The following LDLRAD4 variants were observed in gnomAD, a reference collection of about 807,000 sequenced individuals.
The protein encoded by LDLRAD4 is low-density lipoprotein receptor class A domain-containing protein 4.
Under a neutral mutation model 17.0 loss-of-function variants are expected in LDLRAD4, and 5 were observed. That is an observed-to-expected ratio of 0.29 (90% CI 0.15 to 0.62). The LOEUF (loss-of-function observed/expected upper bound fraction) is 0.62, where lower values mean the gene tolerates loss of function less well. Among genes scored for constraint, LDLRAD4 ranks in the 20% least tolerant of loss-of-function variants. LDLRAD4 has a pLI of 0.84. For synonymous variants in LDLRAD4, 168 were observed against 171.8 expected (o/e 0.98, Z 0.17); for missense variants, 340 against 424.7 (o/e 0.80, Z 1.75).
intron 1 of LDLRAD4, among the ~76,000 whole-genome samples, chr18:13,382,048 C>T (rs1050709784): frequency 2.6e-5 from 4 of 152,298 alleles, no homozygotes; most frequent in South Asian, 2.1e-4. Flanking sequence ...CTGGAGCAGT[C>T]GCCATGGCTG....
chr18:13,305,915 AGC>A (rs2046886299), intron 1 of LDLRAD4, among the ~76,000 whole-genome samples: 1 of 152,240 alleles, frequency 6.6e-6, no homozygotes, highest in African/African-American at 2.4e-5. Flanking sequence ...TTTGAGAAAA[AGC>A]AAAGTCGTTA....
At chr18:13,420,252 AACAAAT>A (rs2089317889) in intron 2 of LDLRAD4, 1 of 151,886 alleles carries the variant, frequency 6.6e-6, no homozygotes, top group African/African-American at 2.4e-5. Context: ...ACAAATAATC[AACAAAT>A]ACAAATAGTG....
At chr18:13,434,376 G>A (rs1182843965) in intron 2 of LDLRAD4, among the ~76,000 whole-genome samples, 1 of 151,716 alleles carries the variant, frequency 6.6e-6, no homozygotes, top group African/African-American at 2.4e-5. Flanking sequence ...GTTATAATAC[G>A]TCTATAGCTC....
chr18:13,645,508 G>A lies in LDLRAD4; in HGVS notation c.772G>A (p.Val258Met). ...GGGGCCACCCCCCACATACAGCGAG[G>A]TGATGGGCCACCACCCAGGCGCCTC... The change falls in exon 6 of 6, where the codon GTG (valine) becomes ATG (methionine). Residue 258 changes from valine to methionine, a missense_variant. Transcript: ENST00000359446. This position sits in a 1 kb window ranked among gnomAD's most constrained non-coding sequence, Gnocchi z 5.7. 6.2e-7 allele frequency: 1 copy of A among 1,610,858 alleles called. No individual in the cohort carries two copies. Among genetic ancestry groups the A allele is most frequent in the Non-Finnish European group, 8.5e-7 (1 of 1,178,410 alleles).
chr18:13,592,653 C>G (rs950776091), intron 3 of LDLRAD4, among the ~76,000 whole-genome samples: 1 of 152,188 alleles, frequency 6.6e-6, no homozygotes, highest in African/African-American at 2.4e-5. Flanking sequence ...ACAAACCTTT[C>G]ACAATAAAAG....
chr18:13,650,553 CCTG>C (rs1482753105), exon 6 of LDLRAD4: 4 of 395,526 alleles, frequency 1.0e-5, no homozygotes, highest in African/African-American at 6.2e-5. Flanking sequence ...GCCGCCCCCT[CCTG>C]CACTTGATGC....
intron 3 of LDLRAD4, among the ~76,000 whole-genome samples, chr18:13,583,176 A>G (rs1335756885): frequency 6.6e-6 from 1 of 152,216 alleles, no homozygotes; most frequent in Non-Finnish European, 1.5e-5. Flanking sequence ...TGCTATCCAA[A>G]AAATTAGAAG....
chr18:13,362,975 C>T (rs547980857), intron 1 of LDLRAD4, among the ~76,000 whole-genome samples: 4 of 152,016 alleles, frequency 2.6e-5, no homozygotes, highest in Non-Finnish European at 5.9e-5. Flanking sequence ...TGTGCTCTGT[C>T]GTTAGTTATC....
At chr18:13,456,652 T>G (rs1419344754) in intron 3 of LDLRAD4, among the ~76,000 whole-genome samples, 2 of 152,262 alleles carry the variant, frequency 1.3e-5, no homozygotes, top group Admixed American at 6.5e-5. Flanking sequence ...TCCATGTGCA[T>G]GCACATATAC....
At chr18:13,271,652 G>T (rs541863147) in intron 1 of LDLRAD4, among the ~76,000 whole-genome samples, 1 of 152,318 alleles carries the variant, frequency 6.6e-6, no homozygotes, top group East Asian at 1.9e-4. Context: ...CCCTGAGGTT[G>T]GCCTTGTCCT....
intron 2 of LDLRAD4, among the ~76,000 whole-genome samples, chr18:13,390,361 G>T (rs2086175538): frequency 6.6e-6 from 1 of 152,216 alleles, no homozygotes; most frequent in Non-Finnish European, 1.5e-5. Flanking sequence ...GCCGCGCGGG[G>T]CACACTCAGT....
intron 3 of LDLRAD4, among the ~76,000 whole-genome samples, chr18:13,605,937 T>C (rs1269427231): frequency 6.6e-6 from 1 of 152,080 alleles, no homozygotes; most frequent in African/African-American, 2.4e-5. Context: ...ACATGCAGGC[T>C]CCAGTTCCCC....
intron 3 of LDLRAD4, chr18:13,526,065 TG>T (rs1156928766): frequency 6.6e-5 from 10 of 152,224 alleles, no homozygotes; most frequent in Admixed American, 1.3e-4. Context: ...TATTTTATTT[TG>T]GGGGGAAGGG....
intron 3 of LDLRAD4, among the ~76,000 whole-genome samples, chr18:13,529,748 G>A (rs560170571): frequency 6.6e-6 from 1 of 152,342 alleles, no homozygotes; most frequent in Admixed American, 6.5e-5. Context: ...TTTAAATAAT[G>A]TGTGCACAGA....
At chr18:13,460,648 AAAGG>A (rs1272495564) in intron 3 of LDLRAD4, among the ~76,000 whole-genome samples, 1 of 152,202 alleles carries the variant, frequency 6.6e-6, no homozygotes, top group Non-Finnish European at 1.5e-5. Context: ...AGAGACCAAA[AAAGG>A]ACAATTAGTG....
At chr18:13,587,842 G>A (rs145940871) in intron 3 of LDLRAD4, among the ~76,000 whole-genome samples, 1 of 152,176 alleles carries the variant, frequency 6.6e-6, no homozygotes, top group South Asian at 2.1e-4. Flanking sequence ...CTACAAAAAG[G>A]GGGGAGGTCA....
At chr18:13,599,647 C>T (rs1359491104) in intron 3 of LDLRAD4, among the ~76,000 whole-genome samples, 1 of 151,960 alleles carries the variant, frequency 6.6e-6, no homozygotes, top group African/African-American at 2.4e-5. Context: ...CCCGCCACCA[C>T]ACCCGGCTAA....
rs1216631070 is a variant in LDLRAD4 at position 13,440,196 on chromosome 18, G to A, written c.181+1812G>A. On this transcript the variant is annotated intron_variant, in intron 3 of 5. Transcript: ENST00000359446. This position sits in a 1 kb window ranked among gnomAD's most constrained non-coding sequence, Gnocchi z 4.4. ...CTGGGGCGCTCCACAGGCCTCTTCT[G>A]GTCTGCGGGCTCCTCCTTTACTTCA... Among the ~76,000 whole-genome samples, 2 of 152,162 alleles carry A rather than the reference G, an allele frequency of 1.3e-5. No homozygotes were observed. Among genetic ancestry groups the A allele is most frequent in the Non-Finnish European group, 2.9e-5 (2 of 68,040 alleles).
At chr18:13,614,802 C>T (rs894583536) in intron 3 of LDLRAD4, 6 of 152,176 alleles carry the variant, frequency 3.9e-5, no homozygotes, top group Admixed American at 2.0e-4. Flanking sequence ...CCTTTAGGAA[C>T]ATTCAGCACT....
Sources: gnomAD v4.1 joint callset for allele counts (sites outside exome capture counted in the v4.1 genomes callset) on GRCh38, gnomAD v4.1.1 for gene constraint, Gnocchi (gnomAD v3.1) non-coding constraint, MANE v1.5 for transcripts, NCBI Gene and HGNC (gene_info 2026-07-23, HGNC 2026-07-21) for gene names.